PIK3CD: variants seen among roughly 807,000 people sequenced by gnomAD.
PIK3CD encodes phosphatidylinositol-4,5-bisphosphate 3-kinase catalytic subunit delta, also known as phosphatidylinositol 4,5-bisphosphate 3-kinase catalytic subunit delta isoform.
PIK3CD carries 20 observed loss-of-function variants against 122.9 expected under a neutral mutation model. The observed-to-expected ratio is 0.16, with a 90% CI of 0.11 to 0.24. The LOEUF is 0.24. PIK3CD is among the 10% of genes least tolerant of loss of function. PIK3CD has a pLI of 1.00. For synonymous variants in PIK3CD, 596 were observed against 593.4 expected, an observed-to-expected ratio of 1.00 and a Z score of -0.06; for missense variants, 787 against 1,406.3, an observed-to-expected ratio of 0.56 and a Z score of 7.04.
At chr1:9,651,221 TAAG>T (rs1428204121), upstream of PIK3CD, among the ~76,000 whole-genome samples, 11 of 152,214 alleles carry the variant, frequency 7.2e-5, no homozygotes, top group Non-Finnish European at 1.3e-4. Context: ...CTGCAGTTTC[TAAG>T]AATAATCCCT....
At chr1:9,655,508 C>CG (rs76652787) in intron 1 of PIK3CD, among the ~76,000 whole-genome samples, 76,849 of 132,676 alleles carry the variant, frequency 0.58, 24,666 homozygotes, top group East Asian at 0.92. Context: ...ACCAAAATAA[C>CG]GGCCATTCTC....
intron 1 of PIK3CD, among the ~76,000 whole-genome samples, chr1:9,666,926 C>A (rs1434269270): frequency 1.3e-5 from 2 of 151,002 alleles, no homozygotes; most frequent in African/African-American, 4.9e-5. Flanking sequence ...AGTGCAGTGG[C>A]ATGATCTCGG....
At chr1:9,664,158 C>T (rs1377991755) in intron 1 of PIK3CD, among the ~76,000 whole-genome samples, 1 of 151,084 alleles carries the variant, frequency 6.6e-6, no homozygotes, top group African/African-American at 2.4e-5. Flanking sequence ...AAGTGATTCT[C>T]CTGCCTCAGC....
intron 1 of PIK3CD, chr1:9,653,630 A>C: frequency 2.3e-6 from 1 of 436,124 alleles, no homozygotes; most frequent in Non-Finnish European, 4.3e-6. Flanking sequence ...CCCCCTCCCC[A>C]ATTTGATTGA....
intron 1 of PIK3CD, among the ~76,000 whole-genome samples, chr1:9,683,439 A>G (rs1645846020): frequency 7.1e-6 from 1 of 140,644 alleles, no homozygotes. Flanking sequence ...CTCTGTCTCA[A>G]AAAAAAAAAA....
chr1:9,664,049 C>CTT (rs754341558), intron 1 of PIK3CD, among the ~76,000 whole-genome samples: 75 of 101,754 alleles, frequency 7.4e-4, no homozygotes, highest in African/African-American at 1.8e-3. Flanking sequence ...TTCTTTCTTT[C>CTT]TTTTTTTTTT....
intron 1 of PIK3CD, among the ~76,000 whole-genome samples, chr1:9,682,226 G>C (rs978986612): frequency 6.6e-6 from 1 of 152,080 alleles, no homozygotes; most frequent in African/African-American, 2.4e-5. Flanking sequence ...CCTAGCCAAG[G>C]CTGCGTTTTT....
At chr1:9,663,103 A>G (rs1005885753) in intron 1 of PIK3CD, among the ~76,000 whole-genome samples, 2 of 152,172 alleles carry the variant, frequency 1.3e-5, no homozygotes, top group Non-Finnish European at 2.9e-5. Flanking sequence ...AATGACAGCC[A>G]TCCAAACCCA....
chr1:9,632,983 A>T, the PIK3CD span, among the ~76,000 whole-genome samples: 92,234 of 150,548 alleles, frequency 0.61, 30,212 homozygotes, highest in Non-Finnish European at 0.74. Flanking sequence ...TGCCTCAGCC[A>T]CCTGAGTAGC....
intron 2 of PIK3CD, among the ~76,000 whole-genome samples, chr1:9,692,759 A>C (rs566980615): frequency 1.3e-5 from 2 of 152,152 alleles, no homozygotes; most frequent in Non-Finnish European, 2.9e-5. Context: ...ATAAATCAAA[A>C]TATAAAGCAG....
intron 1 of PIK3CD, among the ~76,000 whole-genome samples, chr1:9,666,785 AC>A (rs1645173362): frequency 6.6e-6 from 1 of 150,818 alleles, no homozygotes; most frequent in Non-Finnish European, 1.5e-5. Context: ...GCTTACTGCA[AC>A]CTCTGCCTCC....
chr1:9,725,616 C>T (rs1258468893), intron 23 of PIK3CD, among the ~76,000 whole-genome samples: 2 of 151,702 alleles, frequency 1.3e-5, no homozygotes, highest in African/African-American at 2.4e-5. Flanking sequence ...CGGTGGCTCA[C>T]GCCTGTAATC....
chr1:9,635,122 T>G, the PIK3CD span, among the ~76,000 whole-genome samples: 342 of 151,924 alleles, frequency 2.3e-3, 4 homozygotes, highest in Middle Eastern at 0.017. Flanking sequence ...TGAAACCCCC[T>G]CTCTTAGCCA....
intron 2 of PIK3CD, among the ~76,000 whole-genome samples, chr1:9,705,038 ATTTCT>A (rs1646777603): frequency 6.6e-6 from 1 of 152,214 alleles, no homozygotes. Context: ...TCAACCAAAT[ATTTCT>A]TTTCAACTGT....
At chr1:9,721,678 G>A (rs1174148506) in intron 15 of PIK3CD, 83 bp from the exon 16 acceptor site, 1 of 1,601,934 alleles carries the variant, frequency 6.2e-7, no homozygotes, top group Non-Finnish European at 8.5e-7. Flanking sequence ...AGGCCTGGGT[G>A]TCCTGGCCTC....
At chr1:9,658,164 C>A (rs562280795) in intron 1 of PIK3CD, among the ~76,000 whole-genome samples, 1 of 152,218 alleles carries the variant, frequency 6.6e-6, no homozygotes, top group African/African-American at 2.4e-5. Context: ...AGGAGGATCA[C>A]TTGAGCCCAG....
At chr1:9,716,165 C>A in intron 5 of PIK3CD, 87 bp downstream of exon 5, 1 of 1,140,028 alleles carries the variant, frequency 8.8e-7, no homozygotes, top group East Asian at 2.5e-5. Context: ...ATCCGCAAGC[C>A]CCCCTCCCCC....
intron 1 of PIK3CD, among the ~76,000 whole-genome samples, chr1:9,669,708 A>G (rs1342842635): frequency 6.6e-6 from 1 of 152,070 alleles, no homozygotes; most frequent in African/African-American, 2.4e-5. Flanking sequence ...TCACGCAAAC[A>G]GGGTGTGCTT....
intron 2 of PIK3CD, among the ~76,000 whole-genome samples, chr1:9,708,710 G>A (rs558148846): frequency 3.2e-4 from 48 of 152,012 alleles, no homozygotes; most frequent in Admixed American, 7.9e-4. Flanking sequence ...TTAGTTGGAC[G>A]TGGTGGCAGG....
Sources: gnomAD v4.1 joint callset for allele counts (sites outside exome capture counted in the v4.1 genomes callset) on GRCh38, gnomAD v4.1.1 for gene constraint, MANE v1.5 for transcripts, NCBI Gene and HGNC (gene_info 2026-07-23, HGNC 2026-07-21) for gene names.